Variants in GAL3ST2 observed in about 807,000 individuals in gnomAD.
GAL3ST2 encodes beta-galactose-3-O-sulfotransferase 2.
GAL3ST2 carries 16 observed loss-of-function variants against 12.9 expected under a neutral mutation model. The ratio of observed to expected loss-of-function variants is 1.24; its 90% CI spans 0.84 to 1.88. The LOEUF (loss-of-function observed/expected upper bound fraction) is 1.88. GAL3ST2 is among the 40% of genes most tolerant of loss of function. GAL3ST2 has a pLI of 0.00. For missense variants in GAL3ST2, 639 were observed against 571.8 expected (o/e 1.12, Z -1.20); for synonymous variants, 302 against 273.9 (o/e 1.10, Z -1.01).
intron 1 of GAL3ST2, among the ~76,000 whole-genome samples, chr2:241,777,904 G>C (rs529104512): frequency 6.6e-6 from 1 of 152,320 alleles, no homozygotes; most frequent in Admixed American, 6.5e-5. Context: ...CGGCCAGGGC[G>C]GGTGTGCCTG....
At chr2:241,779,958 C>T (rs1475748614) in intron 1 of GAL3ST2, among the ~76,000 whole-genome samples, 2 of 151,462 alleles carry the variant, frequency 1.3e-5, no homozygotes, top group African/African-American at 4.9e-5. Flanking sequence ...TGCACTCCAG[C>T]CTGGGCAACA....
chr2:241,781,752 C>G (rs1388677520), intron 1 of GAL3ST2, among the ~76,000 whole-genome samples: 1 of 152,142 alleles, frequency 6.6e-6, no homozygotes, highest in Non-Finnish European at 1.5e-5. Flanking sequence ...ACCAAATAAG[C>G]CAAACTATGT....
intron 1 of GAL3ST2, among the ~76,000 whole-genome samples, chr2:241,779,426 G>A (rs1003177599): frequency 5.3e-5 from 8 of 150,348 alleles, no homozygotes; most frequent in African/African-American, 1.9e-4. Flanking sequence ...GTAGAGATGG[G>A]GTTTCACCGT....
intron 1 of GAL3ST2, among the ~76,000 whole-genome samples, chr2:241,796,780 T>A (rs984209051): frequency 1.4e-4 from 22 of 152,126 alleles, no homozygotes; most frequent in Admixed American, 1.2e-3. Flanking sequence ...TACTGGGTGG[T>A]TCCCGTGGGG....
At chr2:241,787,023 CAG>C (rs1026992501) in intron 1 of GAL3ST2, among the ~76,000 whole-genome samples, 4 of 152,114 alleles carry the variant, frequency 2.6e-5, no homozygotes, top group Admixed American at 2.6e-4. Flanking sequence ...ATCAGAAACT[CAG>C]AGAGGGTAAT....
In GAL3ST2 at chr2:241,793,417, C is replaced by T. The variant is rs189623332; in HGVS notation, c.30-5648C>T. On this transcript the variant is annotated intron_variant, in intron 1 of 3. Transcript: ENST00000192314. This position sits in a 1 kb window ranked among gnomAD's most constrained non-coding sequence, Gnocchi z 4.7. ...GTGTGTATATGTATGTATACATGTACGTGTGTATATTGTGTACGTGTATGT... is the reference window on the plus strand; with the variant it reads ...GTGTGTATATGTATGTATACATGTATGTGTGTATATTGTGTACGTGTATGT... Among the ~76,000 whole-genome samples, 4 of 149,072 alleles carry T rather than the reference C, an allele frequency of 2.7e-5. No individual in the cohort carries two copies. Among genetic ancestry groups the T allele is most frequent in the East Asian group, 2.0e-4 (1 of 5,004 alleles).
intron 1 of GAL3ST2, among the ~76,000 whole-genome samples, chr2:241,779,214 ATTTTTTTTTT>A (rs56979777): frequency 7.3e-5 from 4 of 54,546 alleles, no homozygotes; most frequent in South Asian, 1.6e-3. Context: ...AGGAAAGCTC[ATTTTTTTTTT>A]TTTTTTTTTT....
Position 241,804,261 on chromosome 2 carries a change from G to T in GAL3ST2, c.*95G>T, listed in dbSNP as rs911112140. ...GGGATCCTTGCAGGGCTTCTGGGGC[G>T]TTGGGAAACCCAGGCCCGCCGGCCA... On this transcript the variant is annotated 3_prime_UTR_variant, in exon 4 of 4. Transcript: ENST00000192314. The T allele has an allele frequency of 1.1e-5, 12 of 1,127,666 alleles. No homozygotes were observed. The Admixed American group carries it at 1.2e-4, about 12-fold the overall frequency. The allele number at this position is 1,127,666 out of a possible 1,614,324, so 69.9% of individuals were successfully genotyped here.
rs1699767439 is a variant in GAL3ST2, at chr2:241,795,926, T to C, written c.30-3139T>C. On this transcript the variant is annotated intron_variant, in intron 1 of 3. Coordinates refer to ENST00000192314, the MANE Select transcript of GAL3ST2 (RefSeq NM_022134.3). The surrounding 1 kb of genome is among the most constrained non-coding windows in gnomAD (Gnocchi z 4.5). ...CATTTTGACGTAAGGACTGGAGGGG[T>C]GCATTGAAGAATTGTAGAGTGCAGG... Among the ~76,000 whole-genome samples the C allele has an allele frequency of 1.3e-5, 2 of 151,930 alleles. No homozygotes were observed. The highest frequency in any genetic ancestry group is 1.9e-4 in the East Asian group (1 of 5,166).
chr2:241,798,124 G>A (rs112728781), intron 1 of GAL3ST2, among the ~76,000 whole-genome samples: 5,653 of 152,208 alleles, frequency 0.037, 172 homozygotes, highest in Non-Finnish European at 0.051. Context: ...CTGGCTCCCC[G>A]CCCGACTCCA....
intron 1 of GAL3ST2, among the ~76,000 whole-genome samples, chr2:241,784,244 A>G (rs1699601218): frequency 6.6e-6 from 1 of 152,148 alleles, no homozygotes; most frequent in Non-Finnish European, 1.5e-5. Flanking sequence ...CGTGTTAGCC[A>G]GGATGGTCTC....
chr2:241,777,005 C>T, intron 1 of GAL3ST2, 21 bp downstream of exon 1: 1 of 1,497,204 alleles, frequency 6.7e-7, no homozygotes, highest in Non-Finnish European at 9.0e-7. Context: ...CAGTTGGACC[C>T]CCCAGGTGGA....
rs1001535119 is a variant in GAL3ST2 at position 241,804,217 on chromosome 2, G to GCCGTCA, written c.*55_*60dup. On this transcript the variant is annotated 3_prime_UTR_variant, in exon 4 of 4. Coordinates refer to ENST00000192314, the MANE Select transcript of GAL3ST2 (RefSeq NM_022134.3). ...CCTGCGGACACCAGCTCCTCTCTCC[G>GCCGTCA]CCGTCACCGGGGAGGCCGGGGATCC... 2.6e-5 allele frequency: 35 copies of GCCGTCA among 1,338,450 alleles called. No homozygotes were observed. In the African/African-American group the frequency reaches 4.9e-4, roughly 19 times the overall value. The allele number at this position is 1,338,450 out of a possible 1,614,324, so 82.9% of individuals were successfully genotyped here.
intron 1 of GAL3ST2, among the ~76,000 whole-genome samples, chr2:241,777,936 G>A (rs1699513781): frequency 6.6e-6 from 1 of 152,232 alleles, no homozygotes; most frequent in South Asian, 2.1e-4. Context: ...GACTCTGTGG[G>A]TGAGACATGG....
rs1160923072 is a variant in GAL3ST2, at chr2:241,793,629, GTGTT to G, written c.30-5432_30-5429del. ...TGTGTGTATTGTGTGTGTACATATT[GTGTT>G]TGTGTGTACATATTGTGTATGCATA... On this transcript the variant is annotated intron_variant, in intron 1 of 3. Transcript: ENST00000192314. This position sits in a 1 kb window ranked among gnomAD's most constrained non-coding sequence, Gnocchi z 4.7. Among the ~76,000 whole-genome samples, 6 of 52,614 alleles carry G rather than the reference GTGTT, an allele frequency of 1.1e-4. No individual in the cohort carries two copies. The African/African-American group carries it at 1.4e-3, about 12-fold the overall frequency. The allele number at this position is 52,614 out of a possible 152,430, so 34.5% of individuals were successfully genotyped here.
chr2:241,792,975 C>T (rs769781931), intron 1 of GAL3ST2, among the ~76,000 whole-genome samples: 1 of 152,168 alleles, frequency 6.6e-6, no homozygotes, highest in Non-Finnish European at 1.5e-5. Context: ...GAAGTCCCCT[C>T]CCCACTTGGA....
chr2:241,798,678 C>T (rs1699804256), intron 1 of GAL3ST2, among the ~76,000 whole-genome samples: 1 of 152,140 alleles, frequency 6.6e-6, no homozygotes, highest in African/African-American at 2.4e-5. Flanking sequence ...CTCCAGATCC[C>T]CTGGGGGCCT....
At chr2:241,799,217 C>T (rs1013282133) in intron 2 of GAL3ST2, 63 bp downstream of exon 2, 8 of 1,404,956 alleles carry the variant, frequency 5.7e-6, no homozygotes, top group Admixed American at 3.4e-5. Flanking sequence ...GAGGACAGAG[C>T]CTGGGACCCC....
chr2:241,801,056 A>C lies in GAL3ST2; in HGVS notation c.120-725A>C, dbSNP rs950315209. On this transcript the variant is annotated intron_variant, in intron 2 of 3. Transcript: ENST00000192314. This position sits in a 1 kb window ranked among gnomAD's most constrained non-coding sequence, Gnocchi z 4.4. ...AGTTTACTGCACCTATTAGCCCGTC[A>C]TCTAGGTTTCAAGCCCCGCATGCAT... The C allele has an allele frequency of 6.6e-6, 1 of 152,180 alleles. No homozygotes were observed. Among genetic ancestry groups the C allele is most frequent in the Non-Finnish European group, 1.5e-5 (1 of 68,042 alleles). The allele number at this position is 152,180 out of a possible 1,614,324, so 9.4% of individuals were successfully genotyped here.
Sources: allele counts gnomAD v4.1 joint callset (sites outside exome capture counted in the v4.1 genomes callset), GRCh38; gene constraint gnomAD v4.1.1; non-coding constraint Gnocchi (gnomAD v3.1); transcripts MANE v1.5; gene names NCBI Gene and HGNC (gene_info 2026-07-23, HGNC 2026-07-21).